The following ZPLD1 variants were observed in gnomAD, a reference collection of about 807,000 sequenced individuals.
ZPLD1 encodes zona pellucida-like domain-containing protein 1.
A neutral mutation model predicts 47.2 loss-of-function variants in ZPLD1; 34 were observed. The observed-to-expected ratio is 0.72, with a 90% CI of 0.55 to 0.96. The LOEUF is 0.96. Ranked by LOEUF, ZPLD1 falls within the 40% of genes least tolerant of loss-of-function variation. The pLI is 0.00. For missense variants in ZPLD1, 512 were observed against 505.8 expected (o/e 1.01, Z -0.12); for synonymous variants, 176 against 186.2 (o/e 0.95, Z 0.45).
At chr3:102,426,882 A>G (rs1706954846) in intron 8 of ZPLD1, among the ~76,000 whole-genome samples, 1 of 152,194 alleles carries the variant, frequency 6.6e-6, no homozygotes, top group Non-Finnish European at 1.5e-5. Context: ...TTATTATTTC[A>G]GGAGATGTTT....
At chr3:102,396,270 TG>T (rs1180421536) in intron 7 of ZPLD1, among the ~76,000 whole-genome samples, 1 of 152,190 alleles carries the variant, frequency 6.6e-6, no homozygotes, top group Non-Finnish European at 1.5e-5. Context: ...ATTACCTGTT[TG>T]TAACAGTCTT....
intron 8 of ZPLD1, among the ~76,000 whole-genome samples, chr3:102,418,724 T>C (rs550857754): frequency 6.6e-5 from 10 of 152,146 alleles, no homozygotes; most frequent in Admixed American, 6.6e-4. Context: ...TGGCTAGATA[T>C]GTGTGGCATC....
At chr3:102,448,696 T>C (rs963525957) in intron 3 of ZPLD1, among the ~76,000 whole-genome samples, 5 of 152,164 alleles carry the variant, frequency 3.3e-5, no homozygotes, top group East Asian at 1.9e-4. Context: ...GAGTTACAAA[T>C]TGGTTATAGG....
intron 7 of ZPLD1, among the ~76,000 whole-genome samples, chr3:102,398,074 G>T (rs1334905844): frequency 6.6e-6 from 1 of 152,086 alleles, no homozygotes; most frequent in Non-Finnish European, 1.5e-5. Context: ...TATACATATA[G>T]ATTCAGCAGT....
chr3:102,462,441 C>A, intron 7 of ZPLD1, 63 bp downstream of exon 7: 2 of 1,126,944 alleles, frequency 1.8e-6, no homozygotes, highest in South Asian at 2.8e-5. Flanking sequence ...CCTCATGAGT[C>A]ATAAAGTTGG....
chr3:102,439,737 A>T (rs1707146784), intron 3 of ZPLD1, among the ~76,000 whole-genome samples: 1 of 152,182 alleles, frequency 6.6e-6, no homozygotes, highest in African/African-American at 2.4e-5. Flanking sequence ...TAAATGCATT[A>T]TTCATGCTTT....
At chr3:102,411,637 T>C (rs1706748429) in intron 7 of ZPLD1, among the ~76,000 whole-genome samples, 1 of 151,708 alleles carries the variant, frequency 6.6e-6, no homozygotes. Context: ...CAGATTTAGG[T>C]CTCCAAAAGA....
rs1213224490 is a variant in ZPLD1, at chr3:102,401,499, T to C, written c.-157+9274T>C. On this transcript the variant is annotated intron_variant, in intron 7 of 17. Transcript: ENST00000491959. Reference sequence around the variant, plus strand: ...GATTATGGGCACTCAGTCCATTGGATTGGTGCTTTGTCTTCACACGATACC... The same window carrying C: ...GATTATGGGCACTCAGTCCATTGGACTGGTGCTTTGTCTTCACACGATACC... 2.0e-5 allele frequency among the ~76,000 whole-genome samples: 3 copies of C among 152,112 alleles called. No individual in the cohort carries two copies. The East Asian group carries it at 5.8e-4, about 29-fold the overall frequency.
At chr3:102,447,396 A>T (rs1707274056) in intron 3 of ZPLD1, among the ~76,000 whole-genome samples, 1 of 152,118 alleles carries the variant, frequency 6.6e-6, no homozygotes, top group Non-Finnish European at 1.5e-5. Flanking sequence ...CTATACACTG[A>T]CCTCCAGAAT....
At chr3:102,442,119 A>T (rs1287575930) in intron 3 of ZPLD1, among the ~76,000 whole-genome samples, 2 of 152,200 alleles carry the variant, frequency 1.3e-5, no homozygotes, top group African/African-American at 4.8e-5. Context: ...CTTCAAAGAG[A>T]GGAGAAAGTA....
At chr3:102,417,464 C>T (rs1027131160) in intron 7 of ZPLD1, among the ~76,000 whole-genome samples, 2 of 151,772 alleles carry the variant, frequency 1.3e-5, no homozygotes, top group Non-Finnish European at 1.5e-5. Context: ...AAATTGGGTC[C>T]CAGGCTCCAA....
intron 10 of ZPLD1, among the ~76,000 whole-genome samples, chr3:102,475,309 G>A (rs758401170): frequency 2.6e-5 from 4 of 152,050 alleles, no homozygotes; most frequent in South Asian, 2.1e-4. Context: ...GTGGTAATAC[G>A]GGGAGTGCAG....
chr3:102,386,888 C>T (rs185374259), intron 6 of ZPLD1, among the ~76,000 whole-genome samples: 199 of 152,238 alleles, frequency 1.3e-3, no homozygotes, highest in African/African-American at 4.5e-3. Flanking sequence ...CCAGAAGTAT[C>T]CATTTTTAAT....
chr3:102,447,638 C>A (rs1449575381), intron 3 of ZPLD1, among the ~76,000 whole-genome samples: 1 of 152,112 alleles, frequency 6.6e-6, no homozygotes, highest in Non-Finnish European at 1.5e-5. Context: ...GAAATGAAGG[C>A]TCCAACAGTA....
intron 4 of ZPLD1, among the ~76,000 whole-genome samples, chr3:102,453,578 T>C (rs568366636): frequency 4.5e-4 from 68 of 152,380 alleles, no homozygotes; most frequent in African/African-American, 1.6e-3. Context: ...GCTTGTAATC[T>C]TCTTTCATGC....
chr3:102,436,074 T>G (rs1159042207), intron 1 of ZPLD1, among the ~76,000 whole-genome samples: 1 of 152,234 alleles, frequency 6.6e-6, no homozygotes, highest in Non-Finnish European at 1.5e-5. Flanking sequence ...CTCGTATTCA[T>G]TAAAAAATGG....
chr3:102,414,556 G>A (rs1032270669), intron 7 of ZPLD1, among the ~76,000 whole-genome samples: 3 of 151,872 alleles, frequency 2.0e-5, no homozygotes, highest in Admixed American at 6.6e-5. Context: ...ATAAGGAAAT[G>A]CCTTACAAAT....
intron 4 of ZPLD1, among the ~76,000 whole-genome samples, chr3:102,455,200 G>A (rs775467790): frequency 6.6e-6 from 1 of 152,154 alleles, no homozygotes; most frequent in Non-Finnish European, 1.5e-5. Flanking sequence ...AATTATCACA[G>A]GTCTTAGTAA....
At position 102,470,184 on chromosome 3, in the gene ZPLD1, A is replaced by G. The variant is rs188985152; in HGVS notation, c.934-210A>G. Among the ~76,000 whole-genome samples, 586 of 152,346 alleles carry G rather than the reference A, an allele frequency of 3.8e-3. 1 individual carries two copies. Among genetic ancestry groups the G allele is most frequent in the African/African-American group, 0.013 (527 of 41,570 alleles). The stretch of plus-strand genomic sequence containing the variant: ...ATGTAAATTAATGAGGCAGTGCACA[A>G]TTACAGCGGGAGGAAATAAGAAATG... On this transcript the variant is annotated intron_variant, in intron 9 of 11. Transcript: ENST00000466937.
Sources: gnomAD v4.1 joint callset for allele counts (sites outside exome capture counted in the v4.1 genomes callset) on GRCh38, gnomAD v4.1.1 for gene constraint, MANE v1.5 for transcripts, NCBI Gene and HGNC (gene_info 2026-07-23, HGNC 2026-07-21) for gene names.